RBFOX1: variants seen among roughly 807,000 people sequenced by gnomAD.
The protein encoded by RBFOX1 is RNA binding protein fox-1 homolog 1.
A neutral mutation model predicts 57.7 loss-of-function variants in RBFOX1; 8 were observed. The observed-to-expected ratio is 0.14, with a 90% CI of 0.08 to 0.25. The LOEUF (loss-of-function observed/expected upper bound fraction) is 0.25. Among genes scored for constraint, RBFOX1 ranks in the 10% least tolerant of loss-of-function variants. RBFOX1 has a pLI of 1.00. For missense variants in RBFOX1, 611 were observed against 548.5 expected (o/e 1.11, Z -1.14); for synonymous variants, 326 against 222.4 (o/e 1.47, Z -4.15).
chr16:7,365,328 C>T (rs1324424069), intron 4 of RBFOX1, among the ~76,000 whole-genome samples: 1 of 152,212 alleles, frequency 6.6e-6, no homozygotes, highest in African/African-American at 2.4e-5. Flanking sequence ...ATATCTGAGA[C>T]TGAGAACCTA....
chr16:6,501,963 C>T (rs1219848228), intron 2 of RBFOX1, among the ~76,000 whole-genome samples: 10 of 152,182 alleles, frequency 6.6e-5, no homozygotes, highest in Admixed American at 6.5e-4. Context: ...GATAAGATTT[C>T]TGCTTTTGTA....
intron 1 of RBFOX1, among the ~76,000 whole-genome samples, chr16:6,105,967 C>A (rs1028398993): frequency 6.6e-6 from 1 of 152,040 alleles, no homozygotes; most frequent in Non-Finnish European, 1.5e-5. Flanking sequence ...CTTGCCACCC[C>A]CCAGCTCTTT....
At chr16:6,801,569 C>G (rs2085459191) in intron 3 of RBFOX1, among the ~76,000 whole-genome samples, 1 of 151,838 alleles carries the variant, frequency 6.6e-6, no homozygotes, top group African/African-American at 2.4e-5. Flanking sequence ...AAAAGGAAGC[C>G]CATAATTGGG....
rs574974434 is a variant in RBFOX1 at position 6,646,483 on chromosome 16, C to T, written c.-63-8120C>T. Among the ~76,000 whole-genome samples, 7 of 152,078 alleles carry T rather than the reference C, an allele frequency of 4.6e-5. No homozygotes were observed. The South Asian group carries it at 6.3e-4, about 14-fold the overall frequency. The stretch of plus-strand genomic sequence containing the variant: ...CTTTTCTGTCGCTTGCGTGGGTCCT[C>T]GGTGGCAGATTAAGAGCAAAAATCT... On this transcript the variant is annotated intron_variant, in intron 2 of 15. Transcript: ENST00000550418.
intron 3 of RBFOX1, among the ~76,000 whole-genome samples, chr16:6,982,402 G>C (rs553685575): frequency 1.3e-5 from 2 of 152,240 alleles, no homozygotes; most frequent in East Asian, 3.9e-4. Context: ...TCCAGAGTCA[G>C]GGCTCTGATC....
At chr16:5,351,443 C>T (rs1226982524) in intron 1 of RBFOX1, among the ~76,000 whole-genome samples, 3 of 152,154 alleles carry the variant, frequency 2.0e-5, no homozygotes, top group Non-Finnish European at 4.4e-5. Context: ...ATTTGAACTT[C>T]AGGCTGGCTC....
chr16:5,298,436 C>A (rs1238588350), intron 1 of RBFOX1, among the ~76,000 whole-genome samples: 2 of 106,796 alleles, frequency 1.9e-5, no homozygotes, highest in Non-Finnish European at 3.7e-5. Flanking sequence ...TCTCCCCTTC[C>A]CTCCCCTCCC....
intron 3 of RBFOX1, among the ~76,000 whole-genome samples, chr16:6,656,887 C>CCTCCCCTCAA (rs2098658036): frequency 6.7e-6 from 1 of 149,032 alleles, no homozygotes; most frequent in African/African-American, 2.5e-5. Context: ...CCTCTCCTCT[C>CCTCCCCTCAA]CTCTCCTCCC....
chr16:6,160,435 T>C (rs538469131), intron 1 of RBFOX1, among the ~76,000 whole-genome samples: 14 of 152,188 alleles, frequency 9.2e-5, no homozygotes, highest in Non-Finnish European at 1.6e-4. Context: ...AAGTCAACCT[T>C]GATGCTTCAC....
chr16:5,450,124 G>A (rs2068377190), intron 1 of RBFOX1, among the ~76,000 whole-genome samples: 1 of 152,200 alleles, frequency 6.6e-6, no homozygotes, highest in Admixed American at 6.5e-5. Context: ...AGAAAGGGTT[G>A]GGCAGGAGAG....
At chr16:7,076,721 A>G (rs990950817) in intron 4 of RBFOX1, among the ~76,000 whole-genome samples, 21 of 152,312 alleles carry the variant, frequency 1.4e-4, no homozygotes, top group Admixed American at 6.5e-4. Context: ...ATTTCTAACC[A>G]AGATGTTCAC....
intron 3 of RBFOX1, among the ~76,000 whole-genome samples, chr16:5,737,353 C>T (rs760156923): frequency 6.6e-5 from 10 of 151,858 alleles, no homozygotes; most frequent in Non-Finnish European, 1.0e-4. Flanking sequence ...GGCGTGGTGG[C>T]GTGTGCCTGT....
chr16:7,627,234 G>C (rs1282594248), intron 10 of RBFOX1, among the ~76,000 whole-genome samples: 1 of 145,592 alleles, frequency 6.9e-6, no homozygotes, highest in Non-Finnish European at 1.5e-5. Context: ...CTAACTCTAA[G>C]AGCAGGAACA....
At chr16:7,299,935 C>T (rs1209697130) in intron 4 of RBFOX1, among the ~76,000 whole-genome samples, 2 of 152,144 alleles carry the variant, frequency 1.3e-5, no homozygotes, top group African/African-American at 4.8e-5. Context: ...ATGGATTTAT[C>T]CAGATGTGAC....
intron 4 of RBFOX1, among the ~76,000 whole-genome samples, chr16:7,333,541 G>C (rs1305250174): frequency 1.3e-5 from 2 of 152,188 alleles, no homozygotes; most frequent in Non-Finnish European, 2.9e-5. Context: ...TCTATTTTCA[G>C]AGAAGGCTCT....
chr16:5,451,081 C>A (rs2068413504), intron 1 of RBFOX1, among the ~76,000 whole-genome samples: 1 of 152,206 alleles, frequency 6.6e-6, no homozygotes, highest in South Asian at 2.1e-4. Context: ...GATATACACT[C>A]AAAATATCCA....
At chr16:5,587,713 G>A (rs970114117) in intron 2 of RBFOX1, among the ~76,000 whole-genome samples, 2 of 152,096 alleles carry the variant, frequency 1.3e-5, no homozygotes, top group African/African-American at 2.4e-5. Context: ...ACTCTGTCTC[G>A]AAAAAGTCAG....
intron 4 of RBFOX1, among the ~76,000 whole-genome samples, chr16:7,495,042 C>T (rs148180226): frequency 9.9e-4 from 151 of 152,172 alleles, no homozygotes; most frequent in African/African-American, 3.3e-3. Flanking sequence ...TGATGTTTAG[C>T]TCCCACTTAT....
chr16:6,381,536 A>G (rs1235615218), intron 2 of RBFOX1, among the ~76,000 whole-genome samples: 1 of 152,208 alleles, frequency 6.6e-6, no homozygotes, highest in Non-Finnish European at 1.5e-5. Context: ...TAACTTTTAA[A>G]CAGGAGGAAT....
Sources: gnomAD v4.1 joint callset for allele counts (sites outside exome capture counted in the v4.1 genomes callset) on GRCh38, gnomAD v4.1.1 for gene constraint, MANE v1.5 for transcripts, NCBI Gene and HGNC (gene_info 2026-07-23, HGNC 2026-07-21) for gene names.